Variants in FMN2 observed in about 807,000 individuals in gnomAD.
The protein encoded by FMN2 is formin 2.
Under a neutral mutation model 142.3 loss-of-function variants are expected in FMN2, and 51 were observed. The observed-to-expected ratio is 0.36, with a 90% CI of 0.29 to 0.45. The LOEUF is 0.45. FMN2 is among the 20% of genes least tolerant of loss of function. The pLI, the probability that FMN2 is intolerant of heterozygous loss-of-function variation, is 1.00. For synonymous variants in FMN2, 882 were observed against 869.8 expected, an observed-to-expected ratio of 1.01 and a Z score of -0.25; for missense variants, 1,936 against 2,122.8, an observed-to-expected ratio of 0.91 and a Z score of 1.73.
intron 4 of FMN2, among the ~76,000 whole-genome samples, chr1:240,193,016 A>G (rs550694765): frequency 6.6e-4 from 100 of 152,342 alleles, no homozygotes; most frequent in African/African-American, 1.9e-3. Flanking sequence ...GAGAATGTGA[A>G]GAAATAATTG....
At chr1:240,298,731 C>T (rs1181191109) in intron 8 of FMN2, among the ~76,000 whole-genome samples, 1 of 152,052 alleles carries the variant, frequency 6.6e-6, no homozygotes, top group Admixed American at 6.6e-5. Flanking sequence ...ATTTCATCAC[C>T]AAACCATCCC....
At chr1:240,162,477 A>G (rs1208496427) in intron 2 of FMN2, among the ~76,000 whole-genome samples, 1 of 152,186 alleles carries the variant, frequency 6.6e-6, no homozygotes, top group East Asian at 1.9e-4. Flanking sequence ...AAAAGAAAGC[A>G]AAAGCTAGTT....
At chr1:240,209,898 C>T (rs969797527) in intron 5 of FMN2, among the ~76,000 whole-genome samples, 3 of 151,554 alleles carry the variant, frequency 2.0e-5, no homozygotes, top group African/African-American at 4.9e-5. Flanking sequence ...AGCGAGAGTC[C>T]GTCTCAAAAA....
At chr1:240,366,737 G>A (rs185751009) in intron 14 of FMN2, among the ~76,000 whole-genome samples, 27 of 152,082 alleles carry the variant, frequency 1.8e-4, no homozygotes, top group African/African-American at 6.5e-4. Flanking sequence ...TTTTAGTAGA[G>A]GGGGGGTTTC....
intron 8 of FMN2, among the ~76,000 whole-genome samples, chr1:240,299,073 G>A (rs973268834): frequency 6.6e-6 from 1 of 151,808 alleles, no homozygotes; most frequent in Non-Finnish European, 1.5e-5. Context: ...CCAGCTTCCA[G>A]GGTAGCTGGG....
intron 2 of FMN2, among the ~76,000 whole-genome samples, chr1:240,145,933 G>A (rs972477605): frequency 6.6e-6 from 1 of 152,150 alleles, no homozygotes; most frequent in African/African-American, 2.4e-5. Context: ...GCAGACAGGG[G>A]TGCTCAGGAG....
At chr1:240,182,488 C>A (rs571866309) in intron 3 of FMN2, among the ~76,000 whole-genome samples, 2 of 152,242 alleles carry the variant, frequency 1.3e-5, no homozygotes, top group East Asian at 3.9e-4. Flanking sequence ...AAACAAAGAA[C>A]CATGGCAGAA....
At chr1:240,430,327 T>C (rs1406090071) in intron 15 of FMN2, among the ~76,000 whole-genome samples, 1 of 152,132 alleles carries the variant, frequency 6.6e-6, no homozygotes, top group Non-Finnish European at 1.5e-5. Flanking sequence ...GTCAAACACT[T>C]CTCCAAAGTG....
At chr1:240,256,221 A>G (rs1233597645) in intron 6 of FMN2, among the ~76,000 whole-genome samples, 1 of 151,752 alleles carries the variant, frequency 6.6e-6, no homozygotes, top group Non-Finnish European at 1.5e-5. Context: ...TGCTTCTCTG[A>G]TATTAAATTC....
intron 1 of FMN2, among the ~76,000 whole-genome samples, chr1:240,098,097 A>ATTTTTTTTTTTTGTTTT (rs1661278755): frequency 1.0e-5 from 1 of 98,690 alleles, no homozygotes; most frequent in East Asian, 3.0e-4. Flanking sequence ...GTTATCTTGA[A>ATTTTTTTTTTTTGTTTT]TTTTTTTTTT....
intron 15 of FMN2, among the ~76,000 whole-genome samples, chr1:240,427,014 G>A (rs1008115777): frequency 4.6e-5 from 7 of 151,424 alleles, no homozygotes; most frequent in Non-Finnish European, 1.0e-4. Flanking sequence ...GCTTGGGATC[G>A]CAAGCGTGAG....
At chr1:240,204,677 C>T (rs1297940084) in intron 4 of FMN2, among the ~76,000 whole-genome samples, 1 of 152,000 alleles carries the variant, frequency 6.6e-6, no homozygotes, top group Non-Finnish European at 1.5e-5. Flanking sequence ...CATGAACCCG[C>T]GAGGCAGAGG....
intron 16 of FMN2, among the ~76,000 whole-genome samples, chr1:240,451,105 C>T (rs543454146): frequency 2.0e-5 from 3 of 152,196 alleles, no homozygotes; most frequent in South Asian, 2.1e-4. Context: ...CAGTGGCTCA[C>T]GCCTGTAATC....
At chr1:240,330,962 A>C (rs1422658751) in intron 11 of FMN2, among the ~76,000 whole-genome samples, 1 of 152,156 alleles carries the variant, frequency 6.6e-6, no homozygotes, top group African/African-American at 2.4e-5. Context: ...CTTATGTCTA[A>C]TGTATAATTA....
intron 14 of FMN2, among the ~76,000 whole-genome samples, chr1:240,367,991 C>T (rs12064380): frequency 0.29 from 44,192 of 151,754 alleles, 6,934 homozygotes; most frequent in African/African-American, 0.42. Flanking sequence ...AGGAATAAGC[C>T]GTTTTCTCTC....
intron 14 of FMN2, among the ~76,000 whole-genome samples, chr1:240,358,768 A>G (rs1190636817): frequency 1.3e-5 from 2 of 152,136 alleles, no homozygotes; most frequent in Admixed American, 6.5e-5. Context: ...CCCATGACAC[A>G]TGGATTATGG....
At chr1:240,209,247 C>A (rs748322575) in intron 5 of FMN2, among the ~76,000 whole-genome samples, 1 of 83,512 alleles carries the variant, frequency 1.2e-5, no homozygotes, top group Non-Finnish European at 2.4e-5. Context: ...ATTCTTAAAT[C>A]CTTTTTTTTT....
At chr1:240,427,330 T>C (rs538344828) in intron 15 of FMN2, among the ~76,000 whole-genome samples, 3 of 151,994 alleles carry the variant, frequency 2.0e-5, no homozygotes, top group Non-Finnish European at 4.4e-5. Context: ...CTCAGCCTCC[T>C]GAGTAGCTTG....
chr1:240,098,097 A>ATTTTTTTTTTTTTT (rs35191164), intron 1 of FMN2, among the ~76,000 whole-genome samples: 30 of 98,670 alleles, frequency 3.0e-4, no homozygotes, highest in African/African-American at 6.9e-4. Context: ...GTTATCTTGA[A>ATTTTTTTTTTTTTT]TTTTTTTTTT....
Sources: gnomAD v4.1 joint callset for allele counts (sites outside exome capture counted in the v4.1 genomes callset) on GRCh38, gnomAD v4.1.1 for gene constraint, MANE v1.5 for transcripts, NCBI Gene and HGNC (gene_info 2026-07-23, HGNC 2026-07-21) for gene names.